ADAM20: variants seen among roughly 807,000 people sequenced by gnomAD.
ADAM20 encodes the protein ADAM metallopeptidase domain 20.
For missense variants in ADAM20, 871 were observed against 883.2 expected (o/e 0.99, Z 0.18); for synonymous variants, 305 against 310.2 (o/e 0.98, Z 0.18).
In ADAM20 at chr14:70,523,237, C is replaced by A. The variant is rs773265715; in HGVS notation, c.1521G>T (p.Thr507=). The change falls in exon 2 of 2, where the codon ACG becomes ACT. Residue 507 remains threonine (T), a synonymous_variant. Transcript: ENST00000256389. ...CNVNAFCYEK[T]CNNHDIQCKE... ...TACATTGTATATCATGGTTATTACA[C>A]GTCTTTTCATAGCAGAAGGCATTCA... The A allele has an allele frequency of 6.2e-7, 1 of 1,614,006 alleles. No homozygotes were observed. The highest frequency in any genetic ancestry group is 2.2e-5 in the East Asian group (1 of 44,874).
the ADAM20 span, among the ~76,000 whole-genome samples, chr14:70,578,150 AT>A: frequency 6.6e-6 from 1 of 152,204 alleles, no homozygotes; most frequent in African/African-American, 2.4e-5. Flanking sequence ...CACATCCAGA[AT>A]ATATAAAAGA....
the ADAM20 span, among the ~76,000 whole-genome samples, chr14:70,543,962 T>C: frequency 7.9e-5 from 12 of 152,104 alleles, no homozygotes; most frequent in East Asian, 1.5e-3. Flanking sequence ...ATGGCTAAGG[T>C]CAGCATGACC....
the ADAM20 span, among the ~76,000 whole-genome samples, chr14:70,560,386 G>A: frequency 6.6e-6 from 1 of 152,112 alleles, no homozygotes; most frequent in Admixed American, 6.5e-5. Flanking sequence ...TCCAAAACCA[G>A]CAGCTTTCCA....
At chr14:70,544,371 T>C in the ADAM20 span, among the ~76,000 whole-genome samples, 3 of 152,184 alleles carry the variant, frequency 2.0e-5, no homozygotes, top group Non-Finnish European at 4.4e-5. Context: ...TTAAAGAACA[T>C]CCTTCTAAAT....
chr14:70,575,051 T>A, the ADAM20 span, among the ~76,000 whole-genome samples: 3 of 151,930 alleles, frequency 2.0e-5, no homozygotes, highest in Non-Finnish European at 4.4e-5. Flanking sequence ...GGAAGAAACA[T>A]GAAATTGTTT....
At chr14:70,530,284 A>G (rs1595020768) in intron 1 of ADAM20, among the ~76,000 whole-genome samples, 1 of 152,288 alleles carries the variant, frequency 6.6e-6, no homozygotes, top group Non-Finnish European at 1.5e-5. Flanking sequence ...TTCTGCCTCC[A>G]TATCTTGTCC....
chr14:70,566,748 G>A, the ADAM20 span, among the ~76,000 whole-genome samples: 1 of 152,132 alleles, frequency 6.6e-6, no homozygotes, highest in African/African-American at 2.4e-5. Context: ...GGGAGGCCGA[G>A]GCAGGCAGAT....
chr14:70,558,384 T>C, the ADAM20 span, among the ~76,000 whole-genome samples: 1 of 152,254 alleles, frequency 6.6e-6, no homozygotes, highest in African/African-American at 2.4e-5. Context: ...CTGGAGATTC[T>C]AGCTGTCTTT....
chr14:70,530,876 TAAAA>T (rs554347882), intron 1 of ADAM20, among the ~76,000 whole-genome samples: 1 of 141,060 alleles, frequency 7.1e-6, no homozygotes, highest in Non-Finnish European at 1.6e-5. Context: ...TACTGACATT[TAAAA>T]AAAAAAAAGA....
chr14:70,564,432 C>A, the ADAM20 span, among the ~76,000 whole-genome samples: 2 of 150,118 alleles, frequency 1.3e-5, no homozygotes, highest in East Asian at 4.3e-4. Context: ...ATAGTTTATA[C>A]TGTTCTGCAA....
the ADAM20 span, among the ~76,000 whole-genome samples, chr14:70,548,846 TA>T: frequency 1.1e-5 from 1 of 88,948 alleles, no homozygotes; most frequent in Non-Finnish European, 2.2e-5. Flanking sequence ...CCAAGACACA[TA>T]ATTGTCAGAT....
intron 1 of ADAM20, among the ~76,000 whole-genome samples, chr14:70,527,102 A>T (rs1009809119): frequency 2.0e-5 from 3 of 152,168 alleles, no homozygotes; most frequent in South Asian, 4.1e-4. Flanking sequence ...ACTAAGCTAA[A>T]TTTCTTATTG....
In ADAM20 at chr14:70,524,365, G is replaced by T. The variant is rs746343890; in HGVS notation, c.393C>A (p.Gly131=). ...SLVALSTCSG[G]FLGMLQINDL... ...CATTTATCTGTAGCATTCCAAGAAA[G>T]CCCCCAGAACAGGTACTAAGGGCAA... The change falls in exon 2 of 2, where the codon GGC becomes GGA. Residue 131 remains glycine (G), a synonymous_variant. Coordinates refer to ENST00000256389, the MANE Select transcript of ADAM20 (RefSeq NM_003814.5). 1 of 1,613,932 alleles carries T rather than the reference G, an allele frequency of 6.2e-7. No individual in the cohort carries two copies. The highest frequency in any genetic ancestry group is 1.1e-5 in the South Asian group (1 of 91,074).
chr14:70,543,994 C>A, the ADAM20 span, among the ~76,000 whole-genome samples: 2 of 152,116 alleles, frequency 1.3e-5, no homozygotes, highest in Non-Finnish European at 2.9e-5. Context: ...GTGACATCTC[C>A]AACCAGAAAC....
upstream of ADAM20, among the ~76,000 whole-genome samples, chr14:70,537,562 T>C (rs1455351142): frequency 1.3e-5 from 2 of 152,198 alleles, no homozygotes; most frequent in African/African-American, 2.4e-5. Flanking sequence ...ATCTTGGGTA[T>C]GTCCAGTTTC....
chr14:70,523,435 T>C lies in ADAM20; in HGVS notation c.1323A>G (p.Leu441=). The change falls in exon 2 of 2, where the codon CTA becomes CTG. Residue 441 remains leucine, a synonymous_variant. Coordinates refer to ENST00000256389, the MANE Select transcript of ADAM20 (RefSeq NM_003814.5). ...CAAAAGCACAAGCAGCCCCAGGATG[T>C]AGAGTACAGTTTAACAGACAACAGG... The part of the protein sequence containing the change: ...KDPCCLLNCT[L]HPGAACAFGI... The C allele has an allele frequency of 2.5e-6, 4 of 1,614,072 alleles. No individual in the cohort carries two copies. The highest frequency in any genetic ancestry group is 3.4e-6 in the Non-Finnish European group (4 of 1,179,972).
upstream of ADAM20, among the ~76,000 whole-genome samples, chr14:70,538,184 C>G (rs551396893): frequency 6.6e-6 from 1 of 152,152 alleles, no homozygotes; most frequent in Non-Finnish European, 1.5e-5. Context: ...CCCACTCCTC[C>G]TCCTTCTCCA....
At chr14:70,527,366 G>A (rs1883612484) in intron 1 of ADAM20, among the ~76,000 whole-genome samples, 1 of 152,104 alleles carries the variant, frequency 6.6e-6, no homozygotes, top group African/African-American at 2.4e-5. Context: ...TCAACTGTCA[G>A]ATTTATCCTC....
At chr14:70,533,756 T>A (rs533353192) in intron 1 of ADAM20, among the ~76,000 whole-genome samples, 1 of 149,378 alleles carries the variant, frequency 6.7e-6, no homozygotes, top group African/African-American at 2.4e-5. Flanking sequence ...ATCCTAGAAC[T>A]TAAAATTTAA....
Sources: allele counts gnomAD v4.1 joint callset (sites outside exome capture counted in the v4.1 genomes callset), GRCh38; gene constraint gnomAD v4.1.1; transcripts MANE v1.5; gene names NCBI Gene and HGNC (gene_info 2026-07-23, HGNC 2026-07-21).